Variants in ALB observed in about 807,000 individuals in gnomAD.
The protein encoded by ALB is serum albumin.
ALB carries 37 observed loss-of-function variants against 74.5 expected under a neutral mutation model. The ratio of observed to expected loss-of-function variants is 0.50; its 90% CI spans 0.38 to 0.65. The LOEUF (loss-of-function observed/expected upper bound fraction) is 0.65, where lower values mean the gene tolerates loss of function less well. Among genes scored for constraint, ALB ranks in the 30% least tolerant of loss-of-function variants. ALB has a pLI of 0.00. For synonymous variants in ALB, 249 were observed against 251.6 expected, an observed-to-expected ratio of 0.99 and a Z score of 0.10; for missense variants, 685 against 718.7, an observed-to-expected ratio of 0.95 and a Z score of 0.54.
intron 1 of ALB, 90 bp from the exon 2 acceptor site, chr4:73,405,025 TA>T: frequency 7.8e-7 from 1 of 1,277,696 alleles, no homozygotes; most frequent in Non-Finnish European, 1.1e-6. Flanking sequence ...ATGCATAATC[TA>T]AGTCAAATGG....
intron 8 of ALB, 33 bp from the exon 9 acceptor site, chr4:73,415,002 C>A (rs376542393): frequency 4.6e-5 from 74 of 1,611,090 alleles, no homozygotes; most frequent in Admixed American, 4.5e-4. Context: ...CTCATTTGTC[C>A]AACAAAGTCT....
rs1170900182 is a variant in ALB, at chr4:73,412,053, G to C, written c.771G>C (p.Lys257Asn). 2.5e-6 allele frequency: 4 copies of C among 1,614,172 alleles called. No homozygotes were observed. Among genetic ancestry groups the C allele is most frequent in the Non-Finnish European group, 1.7e-6 (2 of 1,180,028 alleles). The change falls in exon 7 of 15, where the codon AAG becomes AAC. Residue 257 changes from lysine to asparagine, a missense_variant. Lys to Asn is a moderately conservative substitution (Grantham distance 94). Transcript: ENST00000295897. Reference protein sequence around the residue: ...FPKAEFAEVSKLVTDLTKVHT... With the variant: ...FPKAEFAEVSNLVTDLTKVHT... ...AAGCTGAGTTTGCAGAAGTTTCCAA[G>C]TTAGTGACAGATCTTACCAAAGTCC... is the stretch of plus-strand genomic sequence containing the variant.
At chr4:73,413,989 A>G (rs1403426448) in intron 8 of ALB, among the ~76,000 whole-genome samples, 2 of 152,004 alleles carry the variant, frequency 1.3e-5, no homozygotes, top group African/African-American at 4.8e-5. Context: ...TTGCCTGTCT[A>G]TCTAACTAAT....
chr4:73,407,080 A>G (rs1718750738), intron 3 of ALB, among the ~76,000 whole-genome samples: 1 of 152,192 alleles, frequency 6.6e-6, no homozygotes, highest in South Asian at 2.1e-4. Flanking sequence ...TAATAGGGAT[A>G]TGATAGCATG....
At chr4:73,407,324 ACTTT>A (rs1440974279) in intron 3 of ALB, among the ~76,000 whole-genome samples, 10 of 152,294 alleles carry the variant, frequency 6.6e-5, no homozygotes, top group Admixed American at 6.5e-4. Flanking sequence ...GAGTTTGACT[ACTTT>A]AGCTACCTTA....
At chr4:73,418,418 A>T in intron 12 of ALB, 107 bp downstream of exon 12, 1 of 990,414 alleles carries the variant, frequency 1.0e-6, no homozygotes, top group Non-Finnish European at 1.5e-6. Context: ...CTTAGAGGAA[A>T]GTATTGGAGT....
At chr4:73,416,448 A>G in intron 10 of ALB, 95 bp downstream of exon 10, 4 of 865,670 alleles carry the variant, frequency 4.6e-6, no homozygotes, top group Non-Finnish European at 7.6e-6. Flanking sequence ...TAAGAATGAA[A>G]ATACATTGCA....
In ALB at chr4:73,417,562, C is replaced by T. The variant is rs200708705; in HGVS notation, c.1321C>T (p.Gln441Ter). Residue 441 changes from glutamine to a stop codon, truncating the protein, a stop_gained, in exon 11 of 15, where the codon CAA becomes TAA. Coordinates refer to ENST00000295897, the MANE Select transcript of ALB (RefSeq NM_000477.7). LOFTEE classifies it high-confidence loss of function. The part of the protein sequence containing the change: ...LLVRYTKKVP[Q>*]VSTPTLVEVS... ...AGTTCGTTACACCAAGAAAGTACCCCAAGTGTCAACTCCAACTCTTGTAGA... is the reference window on the plus strand; with the variant it reads ...AGTTCGTTACACCAAGAAAGTACCCTAAGTGTCAACTCCAACTCTTGTAGA... 2 of 1,613,740 alleles carry T rather than the reference C, an allele frequency of 1.2e-6. No individual in the cohort carries two copies. Among genetic ancestry groups the T allele is most frequent in the Non-Finnish European group, 1.7e-6 (2 of 1,179,934 alleles).
In ALB at chr4:73,418,205, G is replaced by T. The variant is rs2149329579; in HGVS notation, c.1546G>T (p.Glu516Ter). The change falls in exon 12 of 15, where the codon GAA (glutamate) becomes TAA (stop). Residue 516 changes from glutamate to a stop codon, truncating the protein, a stop_gained. Coordinates refer to ENST00000295897, the MANE Select transcript of ALB (RefSeq NM_000477.7). LOFTEE classifies it high-confidence loss of function. ...CAGGCGACCATGCTTTTCAGCTCTGGAAGTCGATGAAACATACGTTCCCAA... is the reference window on the plus strand; with the variant it reads ...CAGGCGACCATGCTTTTCAGCTCTGTAAGTCGATGAAACATACGTTCCCAA... Reference protein sequence around the residue: ...VNRRPCFSALEVDETYVPKEF... With the variant: ...VNRRPCFSAL 6.2e-7 allele frequency: 1 copy of T among 1,614,122 alleles called. No individual in the cohort carries two copies. The highest frequency in any genetic ancestry group is 8.5e-7 in the Non-Finnish European group (1 of 1,180,012).
At chr4:73,412,359 T>C in intron 7 of ALB, 1 of 548,398 alleles carries the variant, frequency 1.8e-6, no homozygotes, top group Non-Finnish European at 3.3e-6. Context: ...AGTCATGCTC[T>C]AACTGTAAAT....
chr4:73,407,318 T>C (rs1718759351), intron 3 of ALB, among the ~76,000 whole-genome samples: 1 of 152,200 alleles, frequency 6.6e-6, no homozygotes, highest in African/African-American at 2.4e-5. Context: ...TTCTATGAGT[T>C]TGACTACTTT....
intron 10 of ALB, among the ~76,000 whole-genome samples, chr4:73,417,274 T>C (rs948773555): frequency 1.3e-4 from 20 of 152,210 alleles, no homozygotes; most frequent in African/African-American, 4.8e-4. Flanking sequence ...TTAATAAATT[T>C]ATTAATGTCA....
At chr4:73,418,866 G>A (rs1236461527) in intron 12 of ALB, among the ~76,000 whole-genome samples, 5 of 152,160 alleles carry the variant, frequency 3.3e-5, no homozygotes, top group South Asian at 2.1e-4. Context: ...TGTAATCATC[G>A]TCTAGGCTTA....
intron 9 of ALB, 65 bp from the exon 10 acceptor site, chr4:73,416,191 G>C: frequency 8.4e-6 from 11 of 1,315,080 alleles, no homozygotes; most frequent in Non-Finnish European, 1.2e-5. Context: ...GACCAGAGGG[G>C]TGAAAAACAA....
At chr4:73,404,495 A>G in intron 1 of ALB, 89 bp downstream of exon 1, 1 of 1,132,748 alleles carries the variant, frequency 8.8e-7, no homozygotes, top group East Asian at 2.4e-5. Context: ...TTAAAGAATT[A>G]TTTTGGCATT....
In ALB at chr4:73,413,627, C is replaced by T. The variant is rs781686916; in HGVS notation, c.1051C>T (p.Leu351=). The T allele has an allele frequency of 6.2e-7, 1 of 1,614,030 alleles. No homozygotes were observed. Among genetic ancestry groups the T allele is most frequent in the Admixed American group, 1.7e-5 (1 of 60,010 alleles). The change falls in exon 8 of 15, where the codon CTG becomes TTG. Residue 351 remains leucine (L), a synonymous_variant. Transcript: ENST00000295897. ...KNYAEAKDVF[L]GMFLYEYARR... is the part of the protein sequence containing the mutation. The stretch of plus-strand genomic sequence containing the variant: ...CTATGCTGAGGCAAAGGATGTCTTC[C>T]TGGGCATGTAAGTAGATAAGAAATT...
chr4:73,418,219 A>G lies in ALB; in HGVS notation c.1560A>G (p.Thr520=). ...PCFSALEVDE[T]YVPKEFNAET... The stretch of plus-strand genomic sequence containing the variant: ...TTTCAGCTCTGGAAGTCGATGAAAC[A>G]TACGTTCCCAAAGAGTTTAATGCTG... The change falls in exon 12 of 15, where the codon ACA becomes ACG. Residue 520 remains threonine (T), a synonymous_variant. Transcript: ENST00000295897. 1 of 1,614,172 alleles carries G rather than the reference A, an allele frequency of 6.2e-7. No individual in the cohort carries two copies. The highest frequency in any genetic ancestry group is 8.5e-7 in the Non-Finnish European group (1 of 1,180,012).
At chr4:73,419,730 G>A (rs1025149942) in intron 13 of ALB, 91 bp downstream of exon 13, 98 of 1,465,902 alleles carry the variant, frequency 6.7e-5, no homozygotes, top group Non-Finnish European at 8.8e-5. Context: ...ATCAAAGGAG[G>A]CTTTGTACAT....
In ALB at chr4:73,413,488, A is replaced by G. The variant is rs761031075; in HGVS notation, c.912A>G (p.Glu304=). Residue 304 remains glutamate (E), a synonymous_variant, in exon 8 of 15, where the codon GAA becomes GAG. Coordinates refer to ENST00000295897, the MANE Select transcript of ALB (RefSeq NM_000477.7). ...SISSKLKECC[E]KPLLEKSHCI... ...CCAGTAAACTGAAGGAATGCTGTGA[A>G]AAACCTCTGTTGGAAAAATCCCACT... 6.2e-7 allele frequency: 1 copy of G among 1,614,196 alleles called. No individual in the cohort carries two copies. Among genetic ancestry groups the G allele is most frequent in the Admixed American group, 1.7e-5 (1 of 60,024 alleles).
Sources: gnomAD v4.1 joint callset for allele counts (sites outside exome capture counted in the v4.1 genomes callset) on GRCh38, gnomAD v4.1.1 for gene constraint, MANE v1.5 for transcripts, NCBI Gene and HGNC (gene_info 2026-07-23, HGNC 2026-07-21) for gene names.